CFAP99: variants seen among roughly 807,000 people sequenced by gnomAD.
CFAP99 encodes the protein cilia and flagella associated protein 99.
In CFAP99, 84 loss-of-function variants were observed where a neutral mutation model predicts 82.7. The ratio of observed to expected loss-of-function variants is 1.02; its 90% confidence interval spans 0.85 to 1.22. The LOEUF is 1.22. Ranked by LOEUF, CFAP99 falls within the 50% of genes most tolerant of loss-of-function variation. The pLI is 0.00. For synonymous variants in CFAP99, 456 were observed against 429.5 expected (o/e 1.06, Z -0.76); for missense variants, 1,059 against 983.5 (o/e 1.08, Z -1.03).
At chr4:2,459,919 G>C (rs560396225) in intron 13 of CFAP99, 118 bp from the exon 14 acceptor site, 2 of 863,164 alleles carry the variant, frequency 2.3e-6, no homozygotes, top group South Asian at 1.5e-5. Context: ...CATAAGCAGT[G>C]TTGAAGCAGA....
chr4:2,462,786 G>A lies in CFAP99; in HGVS notation c.2005G>A (p.Ala669Thr), dbSNP rs765229618. The A allele has an allele frequency of 1.7e-5, 22 of 1,283,058 alleles. No individual in the cohort carries two copies. The Middle Eastern group carries it at 1.2e-3, about 70-fold the overall frequency. The allele number at this position is 1,283,058 out of a possible 1,614,324, so 79.5% of individuals were successfully genotyped here. A position where few individuals can be genotyped will look rare whatever the true frequency, so the allele number is the denominator to read the frequency against. ...AGGCGGTGGGGGCGTCCCTGCCCGC[G>A]CCGACGCGTTCCCCGGCCTGCAGGC... Residue 669 changes from alanine (A) to threonine (T), a missense_variant, in exon 15 of 15, where the codon GCC becomes ACC. Coordinates refer to ENST00000635017, the Ensembl canonical transcript of CFAP99. This position sits in a 1 kb window ranked among gnomAD's most constrained non-coding sequence, Gnocchi z 4.1.
chr4:2,449,640 C>G, intron 6 of CFAP99, 30 bp from the exon 7 acceptor site: 1 of 1,533,298 alleles, frequency 6.5e-7, no homozygotes, highest in Admixed American at 2.0e-5. Flanking sequence ...AGCTGCTGAC[C>G]ATAGGCTCTT....
At chr4:2,450,585 G>A (rs938456861) in intron 8 of CFAP99, among the ~76,000 whole-genome samples, 2 of 152,186 alleles carry the variant, frequency 1.3e-5, no homozygotes, top group Non-Finnish European at 2.9e-5. Flanking sequence ...CGGCTGGGCC[G>A]GGAGCAGACA....
intron 4 of CFAP99, among the ~76,000 whole-genome samples, chr4:2,442,534 T>C (rs1456936029): frequency 6.6e-6 from 1 of 152,004 alleles, no homozygotes; most frequent in African/African-American, 2.4e-5. Context: ...CTGCCCACCA[T>C]TACCCCCGCT....
intron 3 of CFAP99, 132 bp from the exon 4 acceptor site, chr4:2,437,938 T>G (rs1733951778): frequency 3.4e-6 from 2 of 586,790 alleles, no homozygotes; most frequent in African/African-American, 3.7e-5. Context: ...CATTTTCAGG[T>G]GGGCACCAAT....
At position 2,441,230 on chromosome 4, in the gene CFAP99, G is replaced by A. The variant is rs535338156; in HGVS notation, c.352-1900G>A. Among the ~76,000 whole-genome samples the A allele has an allele frequency of 1.5e-4, 23 of 151,600 alleles. No individual in the cohort carries two copies. The East Asian group carries it at 3.9e-3, about 26-fold the overall frequency. The stretch of plus-strand genomic sequence containing the variant: ...TATTAAAAATAGAAAAAAATTAGCC[G>A]GTCATGGTGGCACGCGCCTATAATC... On this transcript the variant is annotated intron_variant, in intron 4 of 14. Transcript: ENST00000635017.
intron 2 of CFAP99, among the ~76,000 whole-genome samples, chr4:2,434,892 C>T (rs1048479485): frequency 2.0e-5 from 3 of 152,228 alleles, no homozygotes; most frequent in African/African-American, 7.2e-5. Flanking sequence ...ATTTGCAGAG[C>T]AGTACCCAGA....
chr4:2,430,491 A>G (rs905336957), intron 2 of CFAP99, among the ~76,000 whole-genome samples: 44 of 112,414 alleles, frequency 3.9e-4, no homozygotes, highest in Non-Finnish European at 6.9e-4. Flanking sequence ...ATGCCAGAAA[A>G]TTACGCAATA....
intron 1 of CFAP99, among the ~76,000 whole-genome samples, chr4:2,423,267 G>GCACCA (rs1266267555): frequency 6.6e-6 from 1 of 152,214 alleles, no homozygotes; most frequent in African/African-American, 2.4e-5. Flanking sequence ...CGCCCACACT[G>GCACCA]CACCACACCG....
At chr4:2,441,900 G>A (rs1421875042) in intron 4 of CFAP99, among the ~76,000 whole-genome samples, 4 of 152,178 alleles carry the variant, frequency 2.6e-5, no homozygotes, top group African/African-American at 9.7e-5. Flanking sequence ...ACATGGTGTG[G>A]CTCCCAGGAG....
intron 10 of CFAP99, among the ~76,000 whole-genome samples, chr4:2,451,740 G>T (rs1433141346): frequency 1.1e-4 from 1 of 9,030 alleles, no homozygotes; most frequent in African/African-American, 3.2e-4. Context: ...GTCAGGCTGT[G>T]GGGGGAGCAT....
At chr4:2,459,219 A>G (rs1665231132) in exon 13 of CFAP99, 2 of 1,535,548 alleles carry the variant, frequency 1.3e-6, no homozygotes, top group African/African-American at 1.4e-5. Context: ...CACTCGAGAC[A>G]CAGCCCACGC....
intron 14 of CFAP99, among the ~76,000 whole-genome samples, 152 bp downstream of exon 14, chr4:2,460,394 G>A (rs901736710): frequency 6.6e-6 from 1 of 152,136 alleles, no homozygotes; most frequent in Non-Finnish European, 1.5e-5. Flanking sequence ...CCCTATTATT[G>A]TAGTAGGTGA....
intron 8 of CFAP99, 47 bp downstream of exon 8, chr4:2,450,052 C>A (rs1158410751): frequency 6.6e-7 from 1 of 1,520,554 alleles, no homozygotes; most frequent in Non-Finnish European, 8.8e-7. Flanking sequence ...GCCATCTTCT[C>A]AAGCCATCAG....
Position 2,443,202 on chromosome 4 carries a change from C to T in CFAP99, c.424C>T (p.Pro142Ser), listed in dbSNP as rs1421352275. 6.5e-6 allele frequency: 10 copies of T among 1,535,648 alleles called. 1 individual carries two copies. The East Asian group carries it at 9.8e-5, about 15-fold the overall frequency. Residue 142 changes from proline to serine, a missense_variant, in exon 5 of 15, where the codon CCA becomes TCA. By Grantham distance (74) the Pro-to-Ser change is moderately conservative. Coordinates refer to ENST00000635017, the Ensembl canonical transcript of CFAP99. ...GGATGAGTGGAGCCTCATCTACGAG[C>T]CAGCCCACGTGAAGGAGAACTGGAT...
rs1473495229 is a variant in CFAP99, at chr4:2,458,806, G to A, written c.1245G>A (p.Glu415=). The change falls in exon 12 of 15, where the codon GAG becomes GAA. Residue 415 remains glutamate, a synonymous_variant. Coordinates refer to ENST00000635017, the Ensembl canonical transcript of CFAP99. ...AGGAGCTGGTGGAGCAGGTGATAGA[G>A]GGGCAGAAGAACGCCAAGGCGGCCC... is the stretch of plus-strand genomic sequence containing the variant. 8 of 1,535,968 alleles carry A rather than the reference G, an allele frequency of 5.2e-6. No individual in the cohort carries two copies. The East Asian group carries it at 2.0e-4, about 38-fold the overall frequency.
At chr4:2,428,661 G>A (rs1485005998) in intron 2 of CFAP99, 1 of 152,368 alleles carries the variant, frequency 6.6e-6, no homozygotes, top group African/African-American at 2.4e-5. Flanking sequence ...CAGCTTCCTG[G>A]GTACCCCCTG....
At chr4:2,420,612 C>T (rs975827679) in intron 1 of CFAP99, among the ~76,000 whole-genome samples, 1 of 152,146 alleles carries the variant, frequency 6.6e-6, no homozygotes, top group Non-Finnish European at 1.5e-5. Flanking sequence ...GGGATGAAGG[C>T]TGAACTTGGG....
At chr4:2,441,477 C>T (rs117209950) in intron 4 of CFAP99, among the ~76,000 whole-genome samples, 1 of 152,148 alleles carries the variant, frequency 6.6e-6, no homozygotes, top group Non-Finnish European at 1.5e-5. Context: ...CTGCAGAGCC[C>T]CAAAGCGCCA....
Sources: allele counts gnomAD v4.1 joint callset (sites outside exome capture counted in the v4.1 genomes callset), GRCh38; gene constraint gnomAD v4.1.1; non-coding constraint Gnocchi (gnomAD v3.1); transcripts MANE v1.5; gene names NCBI Gene and HGNC (gene_info 2026-07-23, HGNC 2026-07-21).